The following CUX1 variants were observed in gnomAD, a reference collection of about 807,000 sequenced individuals.
CUX1 encodes protein CASP.
In CUX1, 31 loss-of-function variants were observed where a neutral mutation model predicts 158.8. The observed-to-expected ratio is 0.20, with a 90% CI of 0.15 to 0.26. The LOEUF (loss-of-function observed/expected upper bound fraction) is 0.26, where lower values mean the gene tolerates loss of function less well. Ranked by LOEUF, CUX1 falls within the 10% of genes least tolerant of loss-of-function variation. The probability of loss-of-function intolerance (pLI) is 1.00; values close to 1 mark genes in which losing one functional copy is unlikely to be tolerated. For synonymous variants in CUX1, 879 were observed against 862.1 expected, an observed-to-expected ratio of 1.02 and a Z score of -0.34; for missense variants, 1,589 against 2,014.6, an observed-to-expected ratio of 0.79 and a Z score of 4.04.
intron 8 of CUX1, among the ~76,000 whole-genome samples, 180 bp from the exon 9 acceptor site, chr7:102,158,380 G>T (rs7805317): frequency 6.6e-6 from 1 of 151,900 alleles, no homozygotes; most frequent in African/African-American, 2.4e-5. Flanking sequence ...TCAAAAGAGC[G>T]CATGGCATCA....
intron 4 of CUX1, among the ~76,000 whole-genome samples, chr7:102,071,725 G>C (rs543346004): frequency 1.3e-5 from 2 of 152,278 alleles, no homozygotes; most frequent in South Asian, 2.1e-4. Flanking sequence ...TTGGAGCTGG[G>C]ATTAATAGAG....
chr7:101,916,293 C>G lies in CUX1; in HGVS notation c.141+68C>G, dbSNP rs192305193. 1.6e-5 allele frequency: 16 copies of G among 1,005,966 alleles called. No homozygotes were observed. In the African/African-American group the frequency reaches 2.1e-4, roughly 13 times the overall value. The allele number at this position is 1,005,966 out of a possible 1,614,324, so 62.3% of individuals were successfully genotyped here. ...AATGCTGGTGCATGTTCAGGCGACG[C>G]TCCGTGAGCGTTTCATTTTCATCAG... On this transcript the variant is annotated intron_variant, in intron 2 of 23. Transcript: ENST00000292535. This position sits in a 1 kb window ranked among gnomAD's most constrained non-coding sequence, Gnocchi z 4.4.
intron 1 of CUX1, among the ~76,000 whole-genome samples, chr7:101,881,580 T>G (rs981468422): frequency 2.0e-5 from 3 of 152,234 alleles, no homozygotes; most frequent in African/African-American, 7.2e-5. Flanking sequence ...CCGTCCAATA[T>G]GAATGCCCTG....
chr7:102,279,911 G>A, intron 18 of CUX1: 1 of 679,940 alleles, frequency 1.5e-6, no homozygotes, highest in Non-Finnish European at 2.6e-6. Context: ...CCGCCTCTGA[G>A]ATCTAGGGCT....
At position 102,254,095 on chromosome 7, in the gene CUX1, A is replaced by G; in HGVS notation, c.*5053A>G. 1 of 985,450 alleles carries G rather than the reference A, an allele frequency of 1.0e-6. No individual in the cohort carries two copies. 61.0% of individuals were successfully genotyped at this position (985,450 alleles called of 1,614,324 possible). On this transcript the variant is annotated 3_prime_UTR_variant, in exon 24 of 24. Coordinates refer to ENST00000292535, the MANE Select transcript of CUX1 (RefSeq NM_181552.4). ...GTGTGTCTCTCCTTTTGTGAGCGCA[A>G]CACGGACAAACAGCTGTGCTCTGCA...
At chr7:102,062,140 C>G (rs1160892433) in intron 3 of CUX1, among the ~76,000 whole-genome samples, 1 of 152,162 alleles carries the variant, frequency 6.6e-6, no homozygotes, top group Non-Finnish European at 1.5e-5. Context: ...AGATAAGACA[C>G]CATCACTTAC....
chr7:101,975,820 T>C (rs1462547368), intron 2 of CUX1, among the ~76,000 whole-genome samples: 1 of 152,212 alleles, frequency 6.6e-6, no homozygotes. Flanking sequence ...GTCTTTTACC[T>C]CGTCGTCATC....
At chr7:101,873,741 A>C (rs1290793669) in intron 1 of CUX1, among the ~76,000 whole-genome samples, 1 of 151,632 alleles carries the variant, frequency 6.6e-6, no homozygotes, top group Non-Finnish European at 1.5e-5. Flanking sequence ...GCACTACCAC[A>C]CTCGGCTAAT....
At chr7:101,969,359 C>CAA (rs10711703) in intron 2 of CUX1, among the ~76,000 whole-genome samples, 150 of 55,788 alleles carry the variant, frequency 2.7e-3, no homozygotes, top group Middle Eastern at 0.014. Flanking sequence ...CAAAAAACAG[C>CAA]AAAAAAAAAA....
chr7:102,019,842 A>T (rs1339952789), intron 2 of CUX1, among the ~76,000 whole-genome samples: 1 of 152,242 alleles, frequency 6.6e-6, no homozygotes, highest in Non-Finnish European at 1.5e-5. Flanking sequence ...AGATAATCTT[A>T]TTTAATAACC....
intron 21 of CUX1, among the ~76,000 whole-genome samples, chr7:102,230,359 G>A (rs781998934): frequency 2.0e-5 from 3 of 151,646 alleles, no homozygotes; most frequent in South Asian, 4.2e-4. Context: ...GGTGGCACCC[G>A]CTGTAATCCC....
intron 1 of CUX1, among the ~76,000 whole-genome samples, chr7:101,889,565 G>C (rs1800632729): frequency 6.6e-6 from 1 of 152,174 alleles, no homozygotes; most frequent in Non-Finnish European, 1.5e-5. Flanking sequence ...GAGGTCAGGG[G>C]TTTGAGACCA....
rs894706708 is a variant in CUX1 at position 102,256,407 on chromosome 7, T to C, written c.*7365T>C. On this transcript the variant is annotated 3_prime_UTR_variant, in exon 24 of 24. Transcript: ENST00000292535. ...TGTATTGTTATTTTGTGTTTTGTTG[T>C]CATAAATGCTTTTTGCTGTCACTCT... The C allele has an allele frequency of 3.9e-5, 38 of 985,320 alleles. No homozygotes were observed. Among genetic ancestry groups the C allele is most frequent in the Admixed American group, 6.1e-5 (1 of 16,274 alleles). The allele number at this position is 985,320 out of a possible 1,614,324, so 61.0% of individuals were successfully genotyped here.
At chr7:101,835,346 T>C (rs1794511533) in intron 1 of CUX1, among the ~76,000 whole-genome samples, 2 of 152,216 alleles carry the variant, frequency 1.3e-5, no homozygotes, top group African/African-American at 4.8e-5. Context: ...TTTTTATGGC[T>C]GAATAATATT....
intron 21 of CUX1, among the ~76,000 whole-genome samples, chr7:102,228,063 G>A (rs1163480116): frequency 2.7e-5 from 4 of 148,940 alleles, no homozygotes; most frequent in Non-Finnish European, 5.9e-5. Flanking sequence ...TGACTGTCGT[G>A]CCCCAGCCTC....
intron 11 of CUX1, among the ~76,000 whole-genome samples, chr7:102,180,946 A>G (rs1563363721): frequency 8.0e-6 from 1 of 125,288 alleles, no homozygotes; most frequent in East Asian, 2.0e-4. Flanking sequence ...ATTTTATTTT[A>G]TTTTATTTTA....
rs941330831 is a variant in CUX1 at position 102,242,463 on chromosome 7, G to A, written c.3887+2879G>A. On this transcript the variant is annotated intron_variant, in intron 23 of 23. Coordinates refer to ENST00000292535, the MANE Select transcript of CUX1 (RefSeq NM_181552.4). ...TGACCTCAAGTGATCCACCCACCTC[G>A]GCCTCCCAAAGTTCTGGGATTACAG... Among the ~76,000 whole-genome samples the A allele has an allele frequency of 3.9e-5, 6 of 152,124 alleles. No individual in the cohort carries two copies. In the East Asian group the frequency reaches 7.7e-4, roughly 20 times the overall value.
At chr7:102,027,001 T>C (rs1820113708) in intron 2 of CUX1, among the ~76,000 whole-genome samples, 1 of 152,022 alleles carries the variant, frequency 6.6e-6, no homozygotes, top group South Asian at 2.1e-4. Context: ...TGTTTCGAAA[T>C]GGGCACTGGT....
intron 1 of CUX1, among the ~76,000 whole-genome samples, chr7:101,899,028 C>G (rs1801862330): frequency 6.6e-6 from 1 of 152,248 alleles, no homozygotes; most frequent in Non-Finnish European, 1.5e-5. Flanking sequence ...GGCTTCTTAT[C>G]TGTGATGGAA....
Sources: gnomAD v4.1 joint callset for allele counts (sites outside exome capture counted in the v4.1 genomes callset) on GRCh38, gnomAD v4.1.1 for gene constraint, Gnocchi (gnomAD v3.1) non-coding constraint, MANE v1.5 for transcripts, NCBI Gene and HGNC (gene_info 2026-07-23, HGNC 2026-07-21) for gene names.